SMCHD1: variants seen among roughly 807,000 people sequenced by gnomAD.
The protein encoded by SMCHD1 is structural maintenance of chromosomes flexible hinge domain-containing protein 1.
In SMCHD1, 78 loss-of-function variants were observed where a neutral mutation model predicts 254.7. The ratio of observed to expected loss-of-function variants is 0.31; its 90% CI spans 0.26 to 0.37. The LOEUF is 0.37. SMCHD1 is among the 10% of genes least tolerant of loss of function. The pLI is 1.00. For missense variants in SMCHD1, 1,840 were observed against 2,408.1 expected, an observed-to-expected ratio of 0.76 and a Z score of 4.94; for synonymous variants, 766 against 794.9, an observed-to-expected ratio of 0.96 and a Z score of 0.61.
chr18:2,707,866 A>G lies in SMCHD1; in HGVS notation c.2206A>G (p.Thr736Ala). The G allele has an allele frequency of 6.2e-7, 1 of 1,609,854 alleles. No homozygotes were observed. The highest frequency in any genetic ancestry group is 8.5e-7 in the Non-Finnish European group (1 of 1,178,154). The change falls in exon 17 of 48, where the codon ACA (threonine) becomes GCA (alanine). Residue 736 changes from threonine (T) to alanine (A), a missense_variant. Transcript: ENST00000320876. ...KGEAMQKLPG[T>A]SHGGSKKLLV... ...GGAAGCAATGCAAAAGCTTCCAGGAACAAGCCATGGAGGGTCAAAGAAACT... is the reference window on the plus strand; with the variant it reads ...GGAAGCAATGCAAAAGCTTCCAGGAGCAAGCCATGGAGGGTCAAAGAAACT...
chr18:2,655,811 A>C lies in SMCHD1; in HGVS notation c.-265A>C. 1 of 305,256 alleles carries C rather than the reference A, an allele frequency of 3.3e-6. No individual in the cohort carries two copies. The highest frequency in any genetic ancestry group is 6.0e-6 in the Non-Finnish European group (1 of 166,926). 18.9% of individuals were successfully genotyped at this position (305,256 alleles called of 1,614,324 possible). A position where few individuals can be genotyped will look rare whatever the true frequency, so the allele number is the denominator to read the frequency against. The stretch of plus-strand genomic sequence containing the variant: ...GGCGCTGGGCCCGGGCCCGGTGAGG[A>C]GCGCGCCGCGCGTCCCCTTCTCCTC... On this transcript the variant is annotated 5_prime_UTR_variant, in exon 1 of 48. Transcript: ENST00000320876.
At chr18:2,770,807 G>A (rs1373822371) in intron 39 of SMCHD1, among the ~76,000 whole-genome samples, 1 of 152,020 alleles carries the variant, frequency 6.6e-6, no homozygotes, top group Non-Finnish European at 1.5e-5. Flanking sequence ...TTTTAGTAGA[G>A]ACGGGGTTTC....
chr18:2,802,378 A>G (rs987849196), intron 47 of SMCHD1, 150 bp from the exon 48 acceptor site: 5 of 599,914 alleles, frequency 8.3e-6, no homozygotes, highest in Non-Finnish European at 8.6e-6. Flanking sequence ...ATGATTATAT[A>G]TAAGGATTTA....
chr18:2,738,293 G>T, intron 25 of SMCHD1, 104 bp from the exon 26 acceptor site: 1 of 1,061,100 alleles, frequency 9.4e-7, no homozygotes, highest in Non-Finnish European at 1.3e-6. Flanking sequence ...TTTTCTTGGG[G>T]GTGAAGAAGA....
In SMCHD1 at chr18:2,758,759, A is replaced by G. The variant is rs376847286; in HGVS notation, c.4347-1893A>G. Among the ~76,000 whole-genome samples the G allele has an allele frequency of 1.1e-4, 16 of 151,960 alleles. No homozygotes were observed. In the East Asian group the frequency reaches 2.9e-3, roughly 28 times the overall value. ...TCTCATTATTGTTTTAAAAAAATGTATTTTCCCTCCTTTGGTTATTTTGTG... is the reference window on the plus strand; with the variant it reads ...TCTCATTATTGTTTTAAAAAAATGTGTTTTCCCTCCTTTGGTTATTTTGTG... On this transcript the variant is annotated intron_variant, in intron 34 of 47. Transcript: ENST00000320876.
intron 7 of SMCHD1, among the ~76,000 whole-genome samples, chr18:2,692,605 C>A (rs534845338): frequency 5.3e-5 from 8 of 152,282 alleles, no homozygotes; most frequent in African/African-American, 7.2e-5. Context: ...TTCAGCCATC[C>A]CGCTTCATCT....
intron 39 of SMCHD1, 48 bp from the exon 40 acceptor site, chr18:2,771,485 T>C (rs776106779): frequency 7.4e-7 from 1 of 1,345,052 alleles, no homozygotes; most frequent in South Asian, 1.3e-5. Context: ...AAAACTATGA[T>C]TTGGGGGCTA....
intron 30 of SMCHD1, among the ~76,000 whole-genome samples, chr18:2,748,374 G>GTGTGTGTA (rs2075501764): frequency 9.6e-5 from 5 of 52,068 alleles, no homozygotes; most frequent in African/African-American, 3.7e-4. Context: ...GTGTGTGTGT[G>GTGTGTGTA]TGTGTGTGTA....
chr18:2,671,390 GAAACCATATCAGTTGA>G (rs1207421190), intron 3 of SMCHD1, among the ~76,000 whole-genome samples: 1 of 152,032 alleles, frequency 6.6e-6, no homozygotes, highest in African/African-American at 2.4e-5. Flanking sequence ...CCTATCAGTT[GAAACCATATCAGTTGA>G]AAACCGTATC....
intron 21 of SMCHD1, among the ~76,000 whole-genome samples, chr18:2,725,996 T>C (rs2075020831): frequency 6.6e-6 from 1 of 151,896 alleles, no homozygotes; most frequent in Non-Finnish European, 1.5e-5. Context: ...GTGGACTTTT[T>C]TTTACTTGTC....
At chr18:2,763,188 G>C (rs1349139577) in intron 36 of SMCHD1, among the ~76,000 whole-genome samples, 1 of 152,172 alleles carries the variant, frequency 6.6e-6, no homozygotes, top group Non-Finnish European at 1.5e-5. Context: ...CGGTGCCATA[G>C]AATTACTCCA....
intron 7 of SMCHD1, among the ~76,000 whole-genome samples, chr18:2,692,548 A>G (rs1352965254): frequency 6.6e-6 from 1 of 151,966 alleles, no homozygotes; most frequent in Non-Finnish European, 1.5e-5. Flanking sequence ...CTTTTATATT[A>G]TTTTCTTTCA....
chr18:2,769,352 T>C (rs1167591623), intron 37 of SMCHD1, among the ~76,000 whole-genome samples: 1 of 152,180 alleles, frequency 6.6e-6, no homozygotes, highest in Non-Finnish European at 1.5e-5. Flanking sequence ...ATTTAGAGGT[T>C]AGAATCAAGA....
At chr18:2,799,725 ACT>A (rs928278273) in intron 47 of SMCHD1, among the ~76,000 whole-genome samples, 6 of 150,862 alleles carry the variant, frequency 4.0e-5, no homozygotes, top group African/African-American at 1.2e-4. Flanking sequence ...TGTTACTAAG[ACT>A]CTTTCTTGTT....
chr18:2,666,069 A>G, intron 1 of SMCHD1, 88 bp from the exon 2 acceptor site: 1 of 636,050 alleles, frequency 1.6e-6, no homozygotes, highest in Non-Finnish European at 2.7e-6. Flanking sequence ...ATTATAATGT[A>G]CTATCAATAT....
chr18:2,802,547 G>A lies in SMCHD1; in HGVS notation c.6013G>A (p.Val2005Ile), dbSNP rs1451422586. Residue 2005 changes from valine to isoleucine, a missense_variant, in exon 48 of 48, where the codon GTA (valine) becomes ATA (isoleucine). Physicochemically the swap from Val to Ile is conservative, Grantham distance 29. Around this residue, in one of 9 missense-constraint regions of SMCHD1, gnomAD observed 132 missense variants for 138.2 expected, o/e 0.95. Coordinates refer to ENST00000320876, the MANE Select transcript of SMCHD1 (RefSeq NM_015295.3). The stretch of plus-strand genomic sequence containing the variant: ...GACCAGGATTATAACCAAAACAGAT[G>A]TATGAGAGGTGACAGAGAGAAGAGG... ...RQNRIITKTD[V>I] 5.8e-6 allele frequency: 9 copies of A among 1,553,308 alleles called. No homozygotes were observed. The highest frequency in any genetic ancestry group is 1.2e-5 in the South Asian group (1 of 83,672).
chr18:2,720,049 A>T (rs1388078289), intron 19 of SMCHD1, among the ~76,000 whole-genome samples: 1 of 152,036 alleles, frequency 6.6e-6, no homozygotes, highest in Non-Finnish European at 1.5e-5. Context: ...TCGGCCTCAA[A>T]CACCTGGCCT....
chr18:2,703,679 T>A lies in SMCHD1; in HGVS notation c.1648-13T>A. 6.3e-7 allele frequency: 1 copy of A among 1,592,680 alleles called. No individual in the cohort carries two copies. The highest frequency in any genetic ancestry group is 1.1e-5 in the South Asian group (1 of 87,490). On this transcript the variant is annotated splice_polypyrimidine_tract_variant and intron_variant, in intron 12 of 47. Transcript: ENST00000320876. ...AGTAGCTATATTTCATAAAACATTT[T>A]AAAATTCTACAGGAACAGCGAATGA... is the stretch of plus-strand genomic sequence containing the variant.
chr18:2,674,997 CAG>C (rs898802633), intron 5 of SMCHD1, among the ~76,000 whole-genome samples: 39 of 152,302 alleles, frequency 2.6e-4, no homozygotes, highest in African/African-American at 8.9e-4. Context: ...ATGAAAAACA[CAG>C]ACTCTTGTAT....
Sources: gnomAD v4.1 joint callset for allele counts (sites outside exome capture counted in the v4.1 genomes callset) on GRCh38, gnomAD v4.1.1 for gene constraint, gnomAD v4.1.1 regional missense constraint, MANE v1.5 for transcripts, NCBI Gene and HGNC (gene_info 2026-07-23, HGNC 2026-07-21) for gene names.